LRMDA: variants seen among roughly 807,000 people sequenced by gnomAD.
LRMDA encodes leucine-rich melanocyte differentiation-associated protein.
Under a neutral mutation model 29.8 loss-of-function variants are expected in LRMDA, and 18 were observed. That is an observed-to-expected ratio of 0.60 (90% confidence interval 0.42 to 0.90). LRMDA has a LOEUF of 0.90. LRMDA is among the 40% of genes least tolerant of loss of function. The probability of loss-of-function intolerance (pLI) is 0.00; values close to 1 mark genes in which losing one functional copy is unlikely to be tolerated. For synonymous variants in LRMDA, 125 were observed against 109.4 expected (o/e 1.14, Z -0.89); for missense variants, 273 against 273.9 (o/e 1.00, Z 0.02).
intron 6 of LRMDA, among the ~76,000 whole-genome samples, chr10:76,520,399 A>T (rs1843106763): frequency 6.6e-6 from 1 of 152,104 alleles, no homozygotes. Context: ...TAAAAATTAC[A>T]AACATTATCC....
At chr10:75,442,566 A>G (rs1043674443) in intron 2 of LRMDA, among the ~76,000 whole-genome samples, 12 of 152,068 alleles carry the variant, frequency 7.9e-5, no homozygotes, top group African/African-American at 2.7e-4. Flanking sequence ...ATTGACTGTC[A>G]ATGCAGATTT....
chr10:75,962,777 A>G (rs1265081713), intron 2 of LRMDA, among the ~76,000 whole-genome samples: 1 of 152,218 alleles, frequency 6.6e-6, no homozygotes, highest in Non-Finnish European at 1.5e-5. Context: ...TTATTGATCA[A>G]TGAACTGTAC....
chr10:76,436,334 G>A (rs947569728), intron 6 of LRMDA, among the ~76,000 whole-genome samples: 16 of 152,340 alleles, frequency 1.1e-4, no homozygotes, highest in Admixed American at 2.0e-4. Context: ...TCATTGGACT[G>A]TAAATGGTGA....
chr10:76,367,078 C>T (rs1425536687), intron 6 of LRMDA, among the ~76,000 whole-genome samples: 1 of 152,116 alleles, frequency 6.6e-6, no homozygotes, highest in Non-Finnish European at 1.5e-5. Flanking sequence ...TATGTTAAAC[C>T]ATCCCTGCAT....
At chr10:76,428,098 A>T (rs1406931857) in intron 6 of LRMDA, among the ~76,000 whole-genome samples, 1 of 151,902 alleles carries the variant, frequency 6.6e-6, no homozygotes, top group Non-Finnish European at 1.5e-5. Context: ...CAGGCTTTGG[A>T]CAACCTTAAT....
chr10:76,181,350 G>C (rs564809428), intron 5 of LRMDA, among the ~76,000 whole-genome samples: 55 of 152,172 alleles, frequency 3.6e-4, no homozygotes, highest in Non-Finnish European at 6.2e-4. Context: ...AGTTGGCTTT[G>C]AGATGTTTGA....
intron 2 of LRMDA, among the ~76,000 whole-genome samples, chr10:75,824,837 A>C (rs948452743): frequency 6.6e-6 from 1 of 152,210 alleles, no homozygotes; most frequent in Non-Finnish European, 1.5e-5. Context: ...TGCATTTCTA[A>C]AGGTTTTCCA....
At chr10:76,336,195 C>T (rs1278589462) in intron 6 of LRMDA, among the ~76,000 whole-genome samples, 1 of 146,744 alleles carries the variant, frequency 6.8e-6, no homozygotes, top group African/African-American at 2.6e-5. Flanking sequence ...GAAACTTAAA[C>T]AATTTTCAAA....
At chr10:75,987,509 A>G (rs577209987) in intron 2 of LRMDA, among the ~76,000 whole-genome samples, 65 of 152,352 alleles carry the variant, frequency 4.3e-4, no homozygotes, top group African/African-American at 1.5e-3. Flanking sequence ...AGTTTAAAGC[A>G]GAGTGATATA....
chr10:76,475,462 A>T (rs899401699), intron 6 of LRMDA, among the ~76,000 whole-genome samples: 6 of 151,990 alleles, frequency 3.9e-5, no homozygotes, highest in Non-Finnish European at 5.9e-5. Flanking sequence ...AGACTTTAAC[A>T]CCCCACTGTT....
At chr10:76,164,191 A>G (rs1252011822) in intron 5 of LRMDA, among the ~76,000 whole-genome samples, 1 of 152,270 alleles carries the variant, frequency 6.6e-6, no homozygotes, top group Non-Finnish European at 1.5e-5. Flanking sequence ...AGTTTCCTGC[A>G]TAGGAGACTG....
chr10:75,671,555 A>G (rs979961573), intron 2 of LRMDA, among the ~76,000 whole-genome samples: 7 of 152,156 alleles, frequency 4.6e-5, no homozygotes, highest in Non-Finnish European at 1.0e-4. Context: ...CAAACACCAC[A>G]TGTTCTCACT....
intron 2 of LRMDA, among the ~76,000 whole-genome samples, chr10:75,787,557 C>T (rs1255234534): frequency 6.6e-6 from 1 of 152,142 alleles, no homozygotes; most frequent in African/African-American, 2.4e-5. Flanking sequence ...CTCCAGACCC[C>T]CCGCCCTCAT....
At chr10:76,056,561 C>T (rs1475098178) in intron 4 of LRMDA, among the ~76,000 whole-genome samples, 1 of 152,216 alleles carries the variant, frequency 6.6e-6, no homozygotes, top group Admixed American at 6.5e-5. Context: ...CCCTTGGCCT[C>T]CCTGCTGTGC....
At chr10:76,478,744 G>T (rs1304854256) in intron 6 of LRMDA, among the ~76,000 whole-genome samples, 1 of 152,074 alleles carries the variant, frequency 6.6e-6, no homozygotes, top group Non-Finnish European at 1.5e-5. Context: ...CATGTCCTTT[G>T]TAGGGACATG....
intron 5 of LRMDA, among the ~76,000 whole-genome samples, chr10:76,107,658 G>T (rs1849508849): frequency 6.6e-6 from 1 of 152,120 alleles, no homozygotes; most frequent in Admixed American, 6.5e-5. Context: ...TGGTCCTTTA[G>T]CCCTCACAGC....
intron 5 of LRMDA, among the ~76,000 whole-genome samples, chr10:76,240,464 T>C (rs954422039): frequency 6.7e-6 from 1 of 148,162 alleles, no homozygotes; most frequent in Non-Finnish European, 1.5e-5. Context: ...ATATATTATA[T>C]ATATGTTATA....
chr10:76,474,031 G>T (rs761521261), intron 6 of LRMDA, among the ~76,000 whole-genome samples: 10 of 151,610 alleles, frequency 6.6e-5, no homozygotes, highest in Admixed American at 4.0e-4. Flanking sequence ...CAAAGGAATA[G>T]AACTAGGAGT....
intron 5 of LRMDA, among the ~76,000 whole-genome samples, chr10:76,122,916 C>T (rs1849814712): frequency 6.6e-6 from 1 of 152,144 alleles, no homozygotes; most frequent in Non-Finnish European, 1.5e-5. Flanking sequence ...TAAGTTCCTT[C>T]AGGGCAGGGA....
Sources: gnomAD v4.1 joint callset for allele counts (sites outside exome capture counted in the v4.1 genomes callset) on GRCh38, gnomAD v4.1.1 for gene constraint, MANE v1.5 for transcripts, NCBI Gene and HGNC (gene_info 2026-07-23, HGNC 2026-07-21) for gene names.